COL9A3: variants seen among roughly 807,000 people sequenced by gnomAD.
COL9A3 encodes collagen type IX alpha 3 chain, also known as collagen alpha-3(IX) chain.
COL9A3 carries 82 observed loss-of-function variants against 110.2 expected under a neutral mutation model. The ratio of observed to expected loss-of-function variants is 0.74; its 90% CI spans 0.62 to 0.89. The LOEUF is 0.89. COL9A3 is among the 40% of genes least tolerant of loss of function. COL9A3 has a pLI of 0.00. For missense variants in COL9A3, 1,066 were observed against 981.3 expected (o/e 1.09, Z -1.15); for synonymous variants, 494 against 403.8 (o/e 1.22, Z -2.68).
Position 62,826,271 on chromosome 20 carries a change from C to A in COL9A3, c.738+14C>A, listed in dbSNP as rs993060734. 12 of 1,547,644 alleles carry A rather than the reference C, an allele frequency of 7.8e-6. No homozygotes were observed. Among genetic ancestry groups the A allele is most frequent in the Non-Finnish European group, 9.6e-6 (11 of 1,146,956 alleles). On this transcript the variant is annotated intron_variant, in intron 14 of 31. Coordinates refer to ENST00000649368, the MANE Select transcript of COL9A3 (RefSeq NM_001853.4). ...CCTGGGGACCGGGTAAGTCCTGCAG[C>A]CCCTAGTGGGGGCCGGCCAGGTGGC...
intron 29 of COL9A3, 163 bp downstream of exon 29, chr20:62,836,695 G>C (rs1000088598): frequency 3.9e-6 from 3 of 761,930 alleles, no homozygotes; most frequent in East Asian, 5.4e-5. Flanking sequence ...CCGCCTTGGC[G>C]TCTGCCTGTC....
Position 62,825,821 on chromosome 20 carries a change from ACCCTGGCCC to A in COL9A3, c.642_650del (p.Pro216_Pro218del). On this transcript the variant is annotated inframe_deletion, in exon 13 of 32. Transcript: ENST00000649368. The stretch of plus-strand genomic sequence containing the variant: ...ACCCTATCCCCTCTGTTTCAGGGTG[ACCCTGGCCC>A]CCCTGGGCCCGCCGGCCTCCCGGGC... 2.6e-6 allele frequency: 4 copies of A among 1,553,744 alleles called. No individual in the cohort carries two copies. Among genetic ancestry groups the A allele is most frequent in the Non-Finnish European group, 3.5e-6 (4 of 1,148,470 alleles).
intron 2 of COL9A3, 94 bp from the exon 3 acceptor site, chr20:62,818,424 C>T: frequency 8.1e-7 from 1 of 1,242,064 alleles, no homozygotes; most frequent in South Asian, 1.2e-5. Flanking sequence ...GCCTCTGGGG[C>T]TGATTTGGAG....
chr20:62,840,012 G>C (rs1409669907), intron 31 of COL9A3, among the ~76,000 whole-genome samples: 1 of 152,094 alleles, frequency 6.6e-6, no homozygotes, highest in Non-Finnish European at 1.5e-5. Context: ...CATCTGTGTT[G>C]CACTTGCTGG....
rs181577755 is a variant in COL9A3 at position 62,824,212 on chromosome 20, G to A, written c.520-233G>A. Among the ~76,000 whole-genome samples, 649 of 122,346 alleles carry A rather than the reference G, an allele frequency of 5.3e-3. 15 individuals are homozygous for A. Among genetic ancestry groups the A allele is most frequent in the South Asian group, 0.022 (74 of 3,350 alleles). 80.3% of individuals were successfully genotyped at this position (122,346 alleles called of 152,430 possible). ...GCGCGGAGTGGCCTCCCGGGGCCCC[G>A]TCACCCACGTGGAGTGGCCTCCTGG... On this transcript the variant is annotated intron_variant, in intron 10 of 31. Coordinates refer to ENST00000649368, the MANE Select transcript of COL9A3 (RefSeq NM_001853.4).
rs747558253 is a variant in COL9A3, at chr20:62,825,036, C to T, written c.630+15C>T. On this transcript the variant is annotated intron_variant, in intron 12 of 31. Transcript: ENST00000649368. ...ACGGCGAGAAGGTGAAGCTGCCGCA[C>T]AGCAGCTGGGGAGGAGCTGGGGACT... 3.1e-6 allele frequency: 5 copies of T among 1,604,900 alleles called. No homozygotes were observed. Among genetic ancestry groups the T allele is most frequent in the Middle Eastern group, 1.9e-4 (1 of 5,394 alleles).
chr20:62,828,092 A>T (rs1040096789), intron 17 of COL9A3, 116 bp downstream of exon 17: 7 of 1,098,448 alleles, frequency 6.4e-6, no homozygotes, highest in Non-Finnish European at 6.8e-6. Flanking sequence ...CCATCTTGAA[A>T]TCTGGGTTAA....
chr20:62,837,358 C>T (rs534695714), intron 30 of COL9A3, 93 bp downstream of exon 30: 39 of 1,381,732 alleles, frequency 2.8e-5, no homozygotes, highest in Middle Eastern at 3.6e-4. Context: ...CTGCCATGCG[C>T]CCTCAGGGGT....
rs776296030 is a variant in COL9A3, at chr20:62,827,954, T to C, written c.878T>C (p.Val293Ala). The C allele has an allele frequency of 8.7e-6, 14 of 1,612,874 alleles. No individual in the cohort carries two copies. In the African/African-American group the frequency reaches 1.3e-4, roughly 15 times the overall value. The change falls in exon 17 of 32, where the codon GTG becomes GCG. Residue 293 changes from valine to alanine, a missense_variant. Transcript: ENST00000649368. ...CCTGGTCCCAAGGGAACCCCCGGAG[T>C]GGCCGGGCCAAGCGGAGAGCCGGTG... ...GRPGPKGTPG[V>A]AGPSGEPGMP...
chr20:62,818,927 C>T (rs1340993234), intron 3 of COL9A3, among the ~76,000 whole-genome samples: 5 of 152,180 alleles, frequency 3.3e-5, no homozygotes, highest in Non-Finnish European at 7.4e-5. Flanking sequence ...ACTGGGGGTC[C>T]GACAGAGATG....
At chr20:62,831,949 G>C in intron 24 of COL9A3, 1 of 644,074 alleles carries the variant, frequency 1.6e-6, no homozygotes, top group Non-Finnish European at 2.9e-6. Context: ...ACCCACAAGG[G>C]GAGGCTGGAC....
chr20:62,841,049 AAAG>A lies in COL9A3; in HGVS notation c.*319_*321del, dbSNP rs1447216537. The A allele has an allele frequency of 2.9e-6, 1 of 350,050 alleles. No homozygotes were observed. The highest frequency in any genetic ancestry group is 2.1e-5 in the African/African-American group (1 of 46,982). The allele number at this position is 350,050 out of a possible 1,614,324, so 21.7% of individuals were successfully genotyped here. A position where few individuals can be genotyped will look rare whatever the true frequency, so the allele number is the denominator to read the frequency against. On this transcript the variant is annotated 3_prime_UTR_variant, in exon 32 of 32. Transcript: ENST00000649368. ...TAACTTGTTTACATAGCATTTGTGT[AAAG>A]ACTATGATCTCATCCCAATAAAATG...
intron 1 of COL9A3, 132 bp downstream of exon 1, chr20:62,817,274 C>T: frequency 1.5e-6 from 1 of 668,300 alleles, no homozygotes; most frequent in South Asian, 5.1e-5. Flanking sequence ...GCGGAGTCGC[C>T]AGCGCCTCGG....
chr20:62,830,011 G>A (rs954901426), intron 22 of COL9A3, among the ~76,000 whole-genome samples, 192 bp downstream of exon 22: 12 of 152,148 alleles, frequency 7.9e-5, no homozygotes, highest in African/African-American at 1.2e-4. Context: ...GGGCCAGGCC[G>A]GAGCTGCCCT....
At chr20:62,825,942 C>T in intron 13 of COL9A3, 72 bp downstream of exon 13, 1 of 1,485,548 alleles carries the variant, frequency 6.7e-7, no homozygotes, top group Non-Finnish European at 9.2e-7. Context: ...CTGCACATAT[C>T]TACCCCCGAG....
rs929991533 is a variant in COL9A3 at position 62,819,313 on chromosome 20, C to T, written c.255+20C>T. 6 of 1,595,462 alleles carry T rather than the reference C, an allele frequency of 3.8e-6. No homozygotes were observed. The African/African-American group carries it at 8.0e-5, about 21-fold the overall frequency. ...GTGGATGTGAGTGCGCCTGCCCCTC[C>T]CCGCCATGCCCCACTCCCCGCTCCG... On this transcript the variant is annotated intron_variant, in intron 4 of 31. Coordinates refer to ENST00000649368, the MANE Select transcript of COL9A3 (RefSeq NM_001853.4).
In COL9A3 at chr20:62,836,338, G is replaced by A. The variant is rs749613543; in HGVS notation, c.1548+5G>A. The A allele has an allele frequency of 3.7e-6, 6 of 1,613,778 alleles. No individual in the cohort carries two copies. Among genetic ancestry groups the A allele is most frequent in the African/African-American group, 1.3e-5 (1 of 75,076 alleles). ...ACGGGGAAGCCGGGAGTTCCGGTAC[G>A]TCGCTTTTCCGGCTTTTCCAGCTTT... is the stretch of plus-strand genomic sequence containing the variant. On this transcript the variant is annotated splice_donor_5th_base_variant and intron_variant, in intron 28 of 31. Coordinates refer to ENST00000649368, the MANE Select transcript of COL9A3 (RefSeq NM_001853.4).
rs2063586244 is a variant in COL9A3, at chr20:62,830,413, G to A, written c.1215G>A (p.Gln405=). The A allele has an allele frequency of 6.4e-7, 1 of 1,568,198 alleles. No homozygotes were observed. The highest frequency in any genetic ancestry group is 8.6e-7 in the Non-Finnish European group (1 of 1,156,700). The part of the protein sequence containing the change: ...PPGAPGVRGF[Q]GQKGSMGDPG... Reference sequence around the variant, plus strand: ...GAGCCCCTGGTGTCCGAGGCTTCCAGGTGGGTGAGGTTGGGGCAAGGGCCT... The same window carrying A: ...GAGCCCCTGGTGTCCGAGGCTTCCAAGTGGGTGAGGTTGGGGCAAGGGCCT... Residue 405 remains glutamine (Q), a splice_region_variant and synonymous_variant, in exon 23 of 32, where the codon CAG becomes CAA. Transcript: ENST00000649368.
At chr20:62,826,504 C>T (rs953140717) in intron 14 of COL9A3, among the ~76,000 whole-genome samples, 15 of 152,328 alleles carry the variant, frequency 9.8e-5, no homozygotes, top group Admixed American at 8.5e-4. Context: ...GCTATTCACG[C>T]GTGTGCCCGG....
Sources: gnomAD v4.1 joint callset for allele counts (sites outside exome capture counted in the v4.1 genomes callset) on GRCh38, gnomAD v4.1.1 for gene constraint, MANE v1.5 for transcripts, NCBI Gene and HGNC (gene_info 2026-07-23, HGNC 2026-07-21) for gene names.